The following ITGA9 variants were observed in gnomAD, a reference collection of about 807,000 sequenced individuals.
ITGA9 encodes the protein integrin alpha-9.
ITGA9 carries 56 observed loss-of-function variants against 127.8 expected under a neutral mutation model. The observed-to-expected ratio is 0.44, with a 90% CI of 0.35 to 0.55. ITGA9 has a LOEUF of 0.55. Among genes scored for constraint, ITGA9 ranks in the 20% least tolerant of loss-of-function variants. The probability of loss-of-function intolerance (pLI) is 0.00; values close to 1 mark genes in which losing one functional copy is unlikely to be tolerated. For synonymous variants in ITGA9, 508 were observed against 514.5 expected (o/e 0.99, Z 0.17); for missense variants, 1,196 against 1,347.1 (o/e 0.89, Z 1.76).
At chr3:37,559,213 T>C (rs570051788) in intron 15 of ITGA9, among the ~76,000 whole-genome samples, 56 of 152,314 alleles carry the variant, frequency 3.7e-4, no homozygotes, top group African/African-American at 1.3e-3. Context: ...GAGATTTTTT[T>C]CCCTCTTGTA....
chr3:37,730,764 G>A (rs902741436), intron 18 of ITGA9, among the ~76,000 whole-genome samples: 1 of 152,166 alleles, frequency 6.6e-6, no homozygotes, highest in Non-Finnish European at 1.5e-5. Flanking sequence ...GAGTGTTTGG[G>A]GACAAGACAG....
intron 1 of ITGA9, among the ~76,000 whole-genome samples, chr3:37,464,812 G>T (rs1579042021): frequency 1.3e-5 from 2 of 152,326 alleles, no homozygotes; most frequent in African/African-American, 2.4e-5. Flanking sequence ...AGGTCCCATG[G>T]CTCCATTGGG....
chr3:37,752,894 A>T (rs1207154661), intron 23 of ITGA9, among the ~76,000 whole-genome samples: 1 of 151,996 alleles, frequency 6.6e-6, no homozygotes, highest in African/African-American at 2.4e-5. Context: ...ACCACTCCAA[A>T]CTCCCAGCCT....
In ITGA9 at chr3:37,452,606, C is replaced by G. The variant is rs952388546; in HGVS notation, c.185+47C>G. On this transcript the variant is annotated intron_variant, in intron 1 of 27. Transcript: ENST00000264741. This position sits in a 1 kb window ranked among gnomAD's most constrained non-coding sequence, Gnocchi z 7.3. ...CGACCCTGGCCCGCGCGGCCACCGCCCCGGCCCCCAGGCCAGCGCCGCCGC... is the reference window on the plus strand; with the variant it reads ...CGACCCTGGCCCGCGCGGCCACCGCGCCGGCCCCCAGGCCAGCGCCGCCGC... The G allele has an allele frequency of 5.5e-6, 8 of 1,460,090 alleles. No individual in the cohort carries two copies. The highest frequency in any genetic ancestry group is 6.4e-6 in the Non-Finnish European group (7 of 1,098,002). 90.4% of individuals were successfully genotyped at this position (1,460,090 alleles called of 1,614,324 possible).
chr3:37,770,021 C>T (rs1696824428), intron 23 of ITGA9, among the ~76,000 whole-genome samples: 1 of 152,136 alleles, frequency 6.6e-6, no homozygotes. Flanking sequence ...CTTAACCTCT[C>T]TGGGCCTCAG....
Position 37,700,057 on chromosome 3 carries a change from C to T in ITGA9, c.2067+16042C>T, listed in dbSNP as rs528353702. ...GGAGTGCAGTGGCATGATCTTGGCTCACTGCAACCTCCGCCTCCCTGGTTC... is the reference window on the plus strand; with the variant it reads ...GGAGTGCAGTGGCATGATCTTGGCTTACTGCAACCTCCGCCTCCCTGGTTC... On this transcript the variant is annotated intron_variant, in intron 18 of 27. Coordinates refer to ENST00000264741, the MANE Select transcript of ITGA9 (RefSeq NM_002207.3). Among the ~76,000 whole-genome samples the T allele has an allele frequency of 2.1e-3, 325 of 152,324 alleles. 1 individual carries two copies. The highest frequency in any genetic ancestry group is 7.5e-3 in the African/African-American group (313 of 41,572).
intron 15 of ITGA9, among the ~76,000 whole-genome samples, chr3:37,555,178 G>C (rs1429368134): frequency 1.3e-5 from 2 of 152,146 alleles, no homozygotes; most frequent in South Asian, 2.1e-4. Flanking sequence ...TTATAATCTG[G>C]TCTGAGGCCC....
intron 1 of ITGA9, among the ~76,000 whole-genome samples, chr3:37,468,297 C>T (rs1370929149): frequency 5.3e-5 from 8 of 152,046 alleles, no homozygotes; most frequent in Non-Finnish European, 1.2e-4. Flanking sequence ...ACAGACCCTC[C>T]AAGACTGACC....
At chr3:37,779,633 T>C (rs375940606) in intron 24 of ITGA9, among the ~76,000 whole-genome samples, 66 of 152,348 alleles carry the variant, frequency 4.3e-4, no homozygotes, top group Middle Eastern at 3.4e-3. Flanking sequence ...TTATTTCTCT[T>C]TGTGAATTCA....
chr3:37,792,787 C>T (rs1455569770), intron 26 of ITGA9, among the ~76,000 whole-genome samples: 4 of 152,126 alleles, frequency 2.6e-5, no homozygotes, highest in Non-Finnish European at 4.4e-5. Flanking sequence ...TAGAAGGCTG[C>T]GATTTTCACC....
In ITGA9 at chr3:37,533,557, C is replaced by T. The variant is rs1018363168; in HGVS notation, c.1528+89C>T. On this transcript the variant is annotated intron_variant, in intron 14 of 27. Transcript: ENST00000264741. ...TCCGATGTTCCCTGTCGCTGTTCCTCCCAGCTGGTTTTGCAGGCAGCAGGC... is the reference window on the plus strand; with the variant it reads ...TCCGATGTTCCCTGTCGCTGTTCCTTCCAGCTGGTTTTGCAGGCAGCAGGC... 3 of 1,389,678 alleles carry T rather than the reference C, an allele frequency of 2.2e-6. No homozygotes were observed. The African/African-American group carries it at 4.3e-5, about 20-fold the overall frequency. 86.1% of individuals were successfully genotyped at this position (1,389,678 alleles called of 1,614,324 possible).
chr3:37,542,304 C>T (rs1699280892), intron 14 of ITGA9, 121 bp from the exon 15 acceptor site: 1 of 1,066,546 alleles, frequency 9.4e-7, no homozygotes, highest in South Asian at 1.3e-5. Flanking sequence ...GCTGCAGTCT[C>T]CTGCCATGGA....
chr3:37,642,343 G>A (rs1700341744), intron 16 of ITGA9, among the ~76,000 whole-genome samples: 1 of 152,190 alleles, frequency 6.6e-6, no homozygotes, highest in Non-Finnish European at 1.5e-5. Flanking sequence ...GCCCAGTGAG[G>A]GAAGGGATCT....
chr3:37,598,832 A>G (rs1699891576), intron 15 of ITGA9, among the ~76,000 whole-genome samples: 1 of 152,164 alleles, frequency 6.6e-6, no homozygotes, highest in East Asian at 1.9e-4. Context: ...GAATCTCCCC[A>G]CTTGAACCTA....
chr3:37,777,461 G>A lies in ITGA9; in HGVS notation c.2611G>A (p.Glu871Lys). 6.2e-7 allele frequency: 1 copy of A among 1,614,114 alleles called. No homozygotes were observed. Among genetic ancestry groups the A allele is most frequent in the Non-Finnish European group, 8.5e-7 (1 of 1,179,980 alleles). ...PTPCIIPQEQENIFHTIFAFF... is the reference protein window; with the variant it reads ...PTPCIIPQEQKNIFHTIFAFF... ...TCCCTGCATCATCCCTCAAGAACAA[G>A]AAAATATCTTCCACACAATATTTGC... is the stretch of plus-strand genomic sequence containing the variant. The change falls in exon 24 of 28, where the codon GAA becomes AAA. Residue 871 changes from glutamate (E) to lysine (K), a missense_variant. By Grantham distance (56) the Glu-to-Lys change is moderately conservative. Coordinates refer to ENST00000264741, the MANE Select transcript of ITGA9 (RefSeq NM_002207.3).
chr3:37,541,922 C>G (rs1167122067), intron 14 of ITGA9, among the ~76,000 whole-genome samples: 1 of 152,176 alleles, frequency 6.6e-6, no homozygotes, highest in East Asian at 1.9e-4. Flanking sequence ...GATTATAGAG[C>G]ACGACTCAAC....
intron 15 of ITGA9, among the ~76,000 whole-genome samples, chr3:37,572,658 C>T (rs892022871): frequency 6.6e-6 from 1 of 152,208 alleles, no homozygotes; most frequent in Non-Finnish European, 1.5e-5. Context: ...AAAGACGTCT[C>T]ATACTGTAAT....
intron 15 of ITGA9, among the ~76,000 whole-genome samples, chr3:37,567,498 C>A (rs1426779833): frequency 6.6e-6 from 1 of 152,168 alleles, no homozygotes; most frequent in Non-Finnish European, 1.5e-5. Context: ...CCCCCAAAGT[C>A]TTAACTCATT....
Position 37,737,001 on chromosome 3 carries a change from A to G in ITGA9, c.2234+18A>G, listed in dbSNP as rs369180645. On this transcript the variant is annotated intron_variant, in intron 20 of 27. Coordinates refer to ENST00000264741, the MANE Select transcript of ITGA9 (RefSeq NM_002207.3). Reference sequence around the variant, plus strand: ...GCTCAGAGGTAAGGGGGGGGTTTAAACACTTTTTTCAAAGATGAGAGATTT... The same window carrying G: ...GCTCAGAGGTAAGGGGGGGGTTTAAGCACTTTTTTCAAAGATGAGAGATTT... 8 of 1,536,148 alleles carry G rather than the reference A, an allele frequency of 5.2e-6. No individual in the cohort carries two copies. The South Asian group carries it at 6.7e-5, about 13-fold the overall frequency.
Sources: gnomAD v4.1 joint callset for allele counts (sites outside exome capture counted in the v4.1 genomes callset) on GRCh38, gnomAD v4.1.1 for gene constraint, Gnocchi (gnomAD v3.1) non-coding constraint, MANE v1.5 for transcripts, NCBI Gene and HGNC (gene_info 2026-07-23, HGNC 2026-07-21) for gene names.